The following PDS5B variants were observed in gnomAD, a reference collection of about 807,000 sequenced individuals.
PDS5B encodes the protein sister chromatid cohesion protein PDS5 homolog B.
PDS5B carries 51 observed loss-of-function variants against 184.1 expected under a neutral mutation model. That is an observed-to-expected ratio of 0.28 (90% CI 0.22 to 0.35). The LOEUF (loss-of-function observed/expected upper bound fraction) is 0.35, where lower values mean the gene tolerates loss of function less well. PDS5B is among the 10% of genes least tolerant of loss of function. The probability of loss-of-function intolerance (pLI) is 1.00; values close to 1 mark genes in which losing one functional copy is unlikely to be tolerated. For synonymous variants in PDS5B, 566 were observed against 569.2 expected (o/e 0.99, Z 0.08); for missense variants, 1,180 against 1,723.3 (o/e 0.68, Z 5.58).
intron 19 of PDS5B, among the ~76,000 whole-genome samples, chr13:32,712,902 G>A (rs751743848): frequency 2.0e-5 from 3 of 152,136 alleles, no homozygotes; most frequent in Non-Finnish European, 2.9e-5. Context: ...GGGAACAGAA[G>A]AAAATTATAC....
rs910082193 is a variant in PDS5B, at chr13:32,597,771, T to G, written c.-20+11178T>G. On this transcript the variant is annotated intron_variant, in intron 1 of 34. Coordinates refer to ENST00000315596, the MANE Select transcript of PDS5B (RefSeq NM_015032.4). Reference sequence around the variant, plus strand: ...CTGAGGCAGGAGAATTGCTTGAACCTGGGAGGCAGAGGTTGCAGTGAGCAG... The same window carrying G: ...CTGAGGCAGGAGAATTGCTTGAACCGGGGAGGCAGAGGTTGCAGTGAGCAG... Among the ~76,000 whole-genome samples, 8 of 150,698 alleles carry G rather than the reference T, an allele frequency of 5.3e-5. No homozygotes were observed. In the South Asian group the frequency reaches 1.7e-3, roughly 31 times the overall value.
intron 1 of PDS5B, among the ~76,000 whole-genome samples, chr13:32,628,638 A>G (rs1027925077): frequency 6.6e-6 from 1 of 151,624 alleles, no homozygotes; most frequent in South Asian, 2.1e-4. Flanking sequence ...CCCAATAGGT[A>G]CTTTTTTGGT....
chr13:32,645,452 AT>A (rs1322248962), intron 1 of PDS5B, among the ~76,000 whole-genome samples: 1 of 152,066 alleles, frequency 6.6e-6, no homozygotes, highest in East Asian at 1.9e-4. Flanking sequence ...AGACTTGGAT[AT>A]TTTTCCTTGT....
intron 1 of PDS5B, among the ~76,000 whole-genome samples, chr13:32,618,488 G>C (rs984475349): frequency 1.3e-5 from 2 of 151,456 alleles, no homozygotes; most frequent in Non-Finnish European, 2.9e-5. Flanking sequence ...TACCCGTCCA[G>C]TGTAATACTA....
intron 24 of PDS5B, among the ~76,000 whole-genome samples, chr13:32,747,915 A>T (rs1382978392): frequency 6.6e-6 from 1 of 152,206 alleles, no homozygotes; most frequent in Non-Finnish European, 1.5e-5. Context: ...CATTAGGTAA[A>T]TGTCCACTCT....
intron 1 of PDS5B, among the ~76,000 whole-genome samples, chr13:32,628,579 A>G (rs187841444): frequency 6.7e-6 from 1 of 150,294 alleles, no homozygotes; most frequent in East Asian, 1.9e-4. Flanking sequence ...TATGCTCTAT[A>G]CTTCCCATTA....
In PDS5B at chr13:32,658,619, A is replaced by G. The variant is rs1950573159; in HGVS notation, c.497+88A>G. 24 of 636,248 alleles carry G rather than the reference A, an allele frequency of 3.8e-5. 1 individual carries two copies. The South Asian group carries it at 4.0e-4, about 11-fold the overall frequency. The allele number at this position is 636,248 out of a possible 1,614,324, so 39.4% of individuals were successfully genotyped here. A position where few individuals can be genotyped will look rare whatever the true frequency, so the allele number is the denominator to read the frequency against. On this transcript the variant is annotated intron_variant, in intron 5 of 34. Coordinates refer to ENST00000315596, the MANE Select transcript of PDS5B (RefSeq NM_015032.4). The stretch of plus-strand genomic sequence containing the variant: ...GAATCTGCATAAACTGTTACAATGA[A>G]TATTAGAAGGCTGAGAGATGTAACT...
At chr13:32,698,345 C>CT (rs1278535956) in intron 15 of PDS5B, among the ~76,000 whole-genome samples, 3 of 152,060 alleles carry the variant, frequency 2.0e-5, no homozygotes, top group Admixed American at 2.0e-4. Context: ...GAAAAAATAC[C>CT]TTTTCCTGAA....
chr13:32,678,409 A>G (rs924911377), intron 9 of PDS5B, among the ~76,000 whole-genome samples: 4 of 152,188 alleles, frequency 2.6e-5, no homozygotes, highest in Non-Finnish European at 4.4e-5. Flanking sequence ...GATCTGCCAT[A>G]CATTAGTGAA....
At chr13:32,672,123 C>G (rs745358143) in intron 7 of PDS5B, among the ~76,000 whole-genome samples, 2 of 152,048 alleles carry the variant, frequency 1.3e-5, no homozygotes, top group Non-Finnish European at 2.9e-5. Context: ...GTGTTGTAAA[C>G]CGTGTAGATA....
intron 1 of PDS5B, among the ~76,000 whole-genome samples, chr13:32,621,489 A>C (rs753348689): frequency 1.8e-4 from 28 of 152,116 alleles, no homozygotes; most frequent in Non-Finnish European, 3.2e-4. Flanking sequence ...AGAAGGTGGA[A>C]AGTATTCTCT....
At chr13:32,665,658 T>A (rs1566302536) in intron 6 of PDS5B, among the ~76,000 whole-genome samples, 1 of 147,776 alleles carries the variant, frequency 6.8e-6, no homozygotes, top group Non-Finnish European at 1.5e-5. Flanking sequence ...ATGAATTTCT[T>A]AAGAAAGCTA....
intron 1 of PDS5B, among the ~76,000 whole-genome samples, chr13:32,625,690 A>G (rs1391098827): frequency 1.3e-5 from 2 of 152,134 alleles, no homozygotes; most frequent in Non-Finnish European, 2.9e-5. Flanking sequence ...AAACCTCAGA[A>G]TGAAGTACAC....
At chr13:32,595,250 T>G (rs2057843898) in intron 1 of PDS5B, among the ~76,000 whole-genome samples, 1 of 152,146 alleles carries the variant, frequency 6.6e-6, no homozygotes, top group Non-Finnish European at 1.5e-5. Context: ...GACTTCTCCA[T>G]CTCCCCTAAC....
intron 1 of PDS5B, among the ~76,000 whole-genome samples, chr13:32,588,499 G>A (rs1308165088): frequency 6.6e-6 from 1 of 152,106 alleles, no homozygotes; most frequent in Non-Finnish European, 1.5e-5. Context: ...CTCAGCTGGC[G>A]TTTACTTAAA....
intron 7 of PDS5B, among the ~76,000 whole-genome samples, chr13:32,668,322 C>T (rs1420682291): frequency 2.0e-5 from 3 of 152,016 alleles, no homozygotes; most frequent in South Asian, 2.1e-4. Context: ...ATTGCTATTC[C>T]TGGGGTAGAT....
rs1951583573 is a variant in PDS5B at position 32,692,442 on chromosome 13, T to TGA, written c.1470-1778_1470-1777dup. Reference sequence around the variant, plus strand: ...TTTTTTTTTTTTTTTTTTTTTTTTTTGAGATAGAGTCCGATGGGTGACTTG... The same window carrying TGA: ...TTTTTTTTTTTTTTTTTTTTTTTTTTGAGAGATAGAGTCCGATGGGTGACTTG... On this transcript the variant is annotated intron_variant, in intron 13 of 34. Coordinates refer to ENST00000315596, the MANE Select transcript of PDS5B (RefSeq NM_015032.4). Among the ~76,000 whole-genome samples, 3 of 136,888 alleles carry TGA rather than the reference T, an allele frequency of 2.2e-5. 1 individual carries two copies. The highest frequency in any genetic ancestry group is 4.7e-5 in the Non-Finnish European group (3 of 63,992). The allele number at this position is 136,888 out of a possible 152,430, so 89.8% of individuals were successfully genotyped here.
intron 1 of PDS5B, among the ~76,000 whole-genome samples, chr13:32,635,403 G>A (rs1263465297): frequency 4.8e-5 from 7 of 145,604 alleles, no homozygotes; most frequent in African/African-American, 1.0e-4. Flanking sequence ...GAGTGCAGTG[G>A]CATGATCTTG....
chr13:32,679,945 C>G (rs1001154899), intron 10 of PDS5B, among the ~76,000 whole-genome samples: 7 of 149,954 alleles, frequency 4.7e-5, no homozygotes, highest in Non-Finnish European at 1.0e-4. Context: ...TTTCTCCTTC[C>G]CTTTTTCTCT....
Sources: allele counts gnomAD v4.1 joint callset (sites outside exome capture counted in the v4.1 genomes callset), GRCh38; gene constraint gnomAD v4.1.1; transcripts MANE v1.5; gene names NCBI Gene and HGNC (gene_info 2026-07-23, HGNC 2026-07-21).